C3orf33: variants seen among roughly 807,000 people sequenced by gnomAD.
C3orf33 encodes AP-1 activity suppressor.
A neutral mutation model predicts 28.7 loss-of-function variants in C3orf33; 23 were observed. The ratio of observed to expected loss-of-function variants is 0.80; its 90% CI spans 0.58 to 1.13. The LOEUF is 1.13. C3orf33 is among the 50% of genes most tolerant of loss of function. The probability of loss-of-function intolerance (pLI) is 0.00; values close to 1 mark genes in which losing one functional copy is unlikely to be tolerated. For missense variants in C3orf33, 327 were observed against 353.4 expected, an observed-to-expected ratio of 0.93 and a Z score of 0.60; for synonymous variants, 119 against 120.5, an observed-to-expected ratio of 0.99 and a Z score of 0.08.
intron 2 of C3orf33, among the ~76,000 whole-genome samples, chr3:155,779,894 T>C (rs1468689693): frequency 2.0e-5 from 3 of 152,212 alleles, no homozygotes; most frequent in African/African-American, 4.8e-5. Context: ...GGAGCACCAA[T>C]GTTCCTGCTC....
intron 4 of C3orf33, 110 bp from the exon 5 acceptor site, chr3:155,764,028 A>G: frequency 2.3e-6 from 2 of 863,872 alleles, no homozygotes; most frequent in South Asian, 8.8e-5. Flanking sequence ...TCCTCCAAAG[A>G]AAAGGCAAAA....
chr3:155,779,559 C>A (rs534545571), intron 2 of C3orf33, among the ~76,000 whole-genome samples: 1 of 151,940 alleles, frequency 6.6e-6, no homozygotes, highest in Non-Finnish European at 1.5e-5. Flanking sequence ...CCTCCCAAAG[C>A]GCTGGGATTA....
intron 2 of C3orf33, among the ~76,000 whole-genome samples, chr3:155,789,174 G>T (rs1036676224): frequency 1.6e-4 from 25 of 151,880 alleles, no homozygotes; most frequent in African/African-American, 6.0e-4. Context: ...GTGAAACCCC[G>T]TCTCTACTAA....
chr3:155,778,645 A>C (rs1376976828), intron 2 of C3orf33, among the ~76,000 whole-genome samples: 1 of 152,258 alleles, frequency 6.6e-6, no homozygotes, highest in Non-Finnish European at 1.5e-5. Context: ...GAGAAATGCT[A>C]AATCAAACCA....
In C3orf33 at chr3:155,765,545, ATTGTT is replaced by A. The variant is rs1337734522; in HGVS notation, c.484-1632_484-1628del. Among the ~76,000 whole-genome samples, 425 of 151,188 alleles carry A rather than the reference ATTGTT, an allele frequency of 2.8e-3. 5 individuals are homozygous for A. Among genetic ancestry groups the A allele is most frequent in the African/African-American group, 9.8e-3 (405 of 41,182 alleles). On this transcript the variant is annotated intron_variant, in intron 4 of 4. Coordinates refer to ENST00000340171, the MANE Select transcript of C3orf33 (RefSeq NM_001308229.2). ...TATTAACTTACTTTTTTTGTTTTGT[ATTGTT>A]TTGTTTTGTTTTTTTGAAGCGGAGT... is the stretch of plus-strand genomic sequence containing the variant.
At chr3:155,783,828 T>C (rs1409119515) in intron 2 of C3orf33, among the ~76,000 whole-genome samples, 1 of 152,180 alleles carries the variant, frequency 6.6e-6, no homozygotes, top group Non-Finnish European at 1.5e-5. Context: ...GTAACTTTGG[T>C]TTTTAAGTCC....
At chr3:155,766,818 T>TGC (rs1750418988) in intron 4 of C3orf33, among the ~76,000 whole-genome samples, 2 of 151,820 alleles carry the variant, frequency 1.3e-5, no homozygotes, top group Non-Finnish European at 2.9e-5. Context: ...GGTGTGGTGG[T>TGC]GTGCACCTGT....
At chr3:155,799,411 G>T (rs1053111641) in intron 2 of C3orf33, among the ~76,000 whole-genome samples, 5 of 152,156 alleles carry the variant, frequency 3.3e-5, no homozygotes, top group Non-Finnish European at 7.4e-5. Context: ...AATGTGGGCT[G>T]GGTGCAGTGG....
intron 3 of C3orf33, among the ~76,000 whole-genome samples, chr3:155,772,849 A>G (rs1267684669): frequency 6.7e-6 from 1 of 148,990 alleles, no homozygotes; most frequent in Non-Finnish European, 1.5e-5. Flanking sequence ...AAGACAGCCG[A>G]AGGGATAGGT....
chr3:155,805,147 A>G (rs1751770922), intron 1 of C3orf33, among the ~76,000 whole-genome samples: 1 of 117,870 alleles, frequency 8.5e-6, no homozygotes, highest in African/African-American at 3.2e-5. Flanking sequence ...CCAGAGGCTT[A>G]GTGCTTCACT....
intron 2 of C3orf33, among the ~76,000 whole-genome samples, chr3:155,792,527 G>A (rs768380120): frequency 1.8e-4 from 28 of 152,104 alleles, no homozygotes; most frequent in Non-Finnish European, 4.0e-4. Context: ...AGAGATATGT[G>A]ACCTTTTGAA....
chr3:155,776,055 C>T (rs1472686074), intron 2 of C3orf33, among the ~76,000 whole-genome samples: 1 of 152,074 alleles, frequency 6.6e-6, no homozygotes, highest in African/African-American at 2.4e-5. Context: ...CATTTTCAAG[C>T]CAACCACATA....
intron 2 of C3orf33, among the ~76,000 whole-genome samples, chr3:155,780,522 C>T (rs7642920): frequency 0.58 from 88,017 of 152,096 alleles, 25,891 homozygotes; most frequent in Middle Eastern, 0.7. Flanking sequence ...CAATAATCTT[C>T]TTTTATTTTT....
At chr3:155,806,111 A>G in intron 1 of C3orf33, 28 bp downstream of exon 1, 1 of 1,364,124 alleles carries the variant, frequency 7.3e-7, no homozygotes, top group Non-Finnish European at 9.6e-7. Context: ...CGCGCCCACC[A>G]CCCGCCCAGA....
chr3:155,768,991 C>T lies in C3orf33; in HGVS notation c.323-1322G>A, dbSNP rs538109891. ...AGGAGTTCAAGATCAGTCTGGCCAA[C>T]ATGGTGAAACCCCATCTCTACTAAA... On this transcript the variant is annotated intron_variant, in intron 3 of 4. Transcript: ENST00000340171. Among the ~76,000 whole-genome samples the T allele has an allele frequency of 2.0e-5, 3 of 152,236 alleles. No individual in the cohort carries two copies. The South Asian group carries it at 6.2e-4, about 32-fold the overall frequency.
chr3:155,771,400 G>A (rs1198693476), intron 3 of C3orf33, among the ~76,000 whole-genome samples: 1 of 152,138 alleles, frequency 6.6e-6, no homozygotes, highest in East Asian at 1.9e-4. Flanking sequence ...TCTCGCCTCA[G>A]CCTCCCAAGT....
intron 2 of C3orf33, among the ~76,000 whole-genome samples, chr3:155,789,840 G>C (rs1016863294): frequency 2.0e-5 from 3 of 151,974 alleles, no homozygotes; most frequent in Admixed American, 2.0e-4. Flanking sequence ...TTTCAACAAG[G>C]GTGCCAACAC....
intron 2 of C3orf33, among the ~76,000 whole-genome samples, chr3:155,780,327 G>A (rs1478230138): frequency 6.6e-6 from 1 of 152,182 alleles, no homozygotes; most frequent in East Asian, 1.9e-4. Context: ...AGAAAATAAG[G>A]GTTTCAAATT....
rs1298566061 is a variant in C3orf33 at position 155,805,466 on chromosome 3, A to C, written c.114+673T>G. ...CAGAGGGAGACCCTGTCTCAAAAAA[A>C]AGAAATCTATTCGGGAGGCTGAGGT... On this transcript the variant is annotated intron_variant, in intron 1 of 4. Transcript: ENST00000340171. The C allele has an allele frequency of 1.3e-5, 5 of 370,738 alleles. No homozygotes were observed. The East Asian group carries it at 3.7e-4, about 27-fold the overall frequency. The allele number at this position is 370,738 out of a possible 1,614,324, so 23.0% of individuals were successfully genotyped here.
Sources: gnomAD v4.1 joint callset for allele counts (sites outside exome capture counted in the v4.1 genomes callset) on GRCh38, gnomAD v4.1.1 for gene constraint, MANE v1.5 for transcripts, NCBI Gene and HGNC (gene_info 2026-07-23, HGNC 2026-07-21) for gene names.